Variants in MARCHF1 observed in about 807,000 individuals in gnomAD.
MARCHF1 encodes E3 ubiquitin-protein ligase MARCHF1.
Under a neutral mutation model 54.2 loss-of-function variants are expected in MARCHF1, and 40 were observed. That is an observed-to-expected ratio of 0.74 (90% CI 0.57 to 0.96). The LOEUF (loss-of-function observed/expected upper bound fraction) is 0.96, where lower values mean the gene tolerates loss of function less well. Ranked by LOEUF, MARCHF1 falls within the 40% of genes least tolerant of loss-of-function variation. The pLI, the probability that MARCHF1 is intolerant of heterozygous loss-of-function variation, is 0.00. For missense variants in MARCHF1, 586 were observed against 656.5 expected, an observed-to-expected ratio of 0.89 and a Z score of 1.17; for synonymous variants, 236 against 236.3, an observed-to-expected ratio of 1.00 and a Z score of 0.01.
intron 5 of MARCHF1, among the ~76,000 whole-genome samples, chr4:163,666,810 A>C (rs1478174508): frequency 6.6e-6 from 1 of 152,124 alleles, no homozygotes; most frequent in African/African-American, 2.4e-5. Context: ...GTAATTTAAA[A>C]ACAATTTAGA....
intron 2 of MARCHF1, among the ~76,000 whole-genome samples, chr4:164,086,770 G>A (rs1348849664): frequency 1.3e-5 from 2 of 151,966 alleles, no homozygotes; most frequent in East Asian, 1.9e-4. Context: ...CATAATCTCT[G>A]TAAATGATTT....
At chr4:164,144,310 A>C (rs1729605282) in intron 1 of MARCHF1, among the ~76,000 whole-genome samples, 2 of 152,024 alleles carry the variant, frequency 1.3e-5, no homozygotes, top group Non-Finnish European at 2.9e-5. Flanking sequence ...TCAGCTCTGC[A>C]CCAAGGGGAC....
chr4:163,898,820 T>C (rs1750874755), intron 3 of MARCHF1, among the ~76,000 whole-genome samples: 2 of 152,050 alleles, frequency 1.3e-5, no homozygotes, highest in Admixed American at 6.6e-5. Flanking sequence ...ATAAAGAAAA[T>C]GCGGTATATA....
At chr4:164,341,932 C>G (rs957541178) in intron 1 of MARCHF1, among the ~76,000 whole-genome samples, 6 of 152,148 alleles carry the variant, frequency 3.9e-5, no homozygotes, top group African/African-American at 2.4e-5. Context: ...ATTCTATACA[C>G]TAATGTCCCA....
At position 164,152,691 on chromosome 4, in the gene MARCHF1, TA is replaced by T. The variant is rs535737071; in HGVS notation, c.-322-41030del. ...GAGCCAGGCACCCTTTCAAGTTCGATAAAAAACAATTTACAACCTGCTCTTC... is the reference window on the plus strand; with the variant it reads ...GAGCCAGGCACCCTTTCAAGTTCGATAAAAACAATTTACAACCTGCTCTTC... On this transcript the variant is annotated intron_variant, in intron 1 of 9. Transcript: ENST00000514618. Among the ~76,000 whole-genome samples the T allele has an allele frequency of 4.1e-3, 617 of 152,218 alleles. 3 individuals carry two copies. The highest frequency in any genetic ancestry group is 0.014 in the African/African-American group (563 of 41,538).
At chr4:164,061,285 T>G (rs1454992842) in intron 2 of MARCHF1, among the ~76,000 whole-genome samples, 1 of 152,034 alleles carries the variant, frequency 6.6e-6, no homozygotes, top group African/African-American at 2.4e-5. Context: ...TTTGGGCACT[T>G]TGCTTCTGAA....
At chr4:164,354,414 C>A (rs1416482492) in intron 1 of MARCHF1, among the ~76,000 whole-genome samples, 18 of 135,598 alleles carry the variant, frequency 1.3e-4, no homozygotes, top group African/African-American at 4.9e-4. Context: ...GCTTATCCAC[C>A]ATGATCAAGT....
At chr4:163,617,802 C>T (rs1741562320) in intron 5 of MARCHF1, among the ~76,000 whole-genome samples, 1 of 152,116 alleles carries the variant, frequency 6.6e-6, no homozygotes, top group South Asian at 2.1e-4. Flanking sequence ...CCTCAAATCA[C>T]TGATGATGTT....
chr4:163,771,294 C>A (rs1446351639), intron 4 of MARCHF1, among the ~76,000 whole-genome samples: 1 of 152,128 alleles, frequency 6.6e-6, no homozygotes, highest in Non-Finnish European at 1.5e-5. Context: ...ACAAAAAGTT[C>A]TTTGGTCCAA....
At chr4:163,783,671 T>A (rs1747532921) in intron 4 of MARCHF1, among the ~76,000 whole-genome samples, 1 of 152,228 alleles carries the variant, frequency 6.6e-6, no homozygotes, top group Non-Finnish European at 1.5e-5. Flanking sequence ...TTTAAAATAG[T>A]TTTGTGTGAC....
chr4:163,640,798 G>C (rs925921946), intron 5 of MARCHF1, among the ~76,000 whole-genome samples: 1 of 152,074 alleles, frequency 6.6e-6, no homozygotes, highest in Non-Finnish European at 1.5e-5. Flanking sequence ...TTTAATTTTA[G>C]ATTAGTTAAT....
intron 2 of MARCHF1, among the ~76,000 whole-genome samples, chr4:164,066,951 T>C (rs546458206): frequency 1.3e-5 from 2 of 152,038 alleles, no homozygotes; most frequent in Non-Finnish European, 2.9e-5. Flanking sequence ...TAAAATAATC[T>C]GTACAATAAA....
chr4:163,899,763 T>TACACACACACACACAC lies in MARCHF1; in HGVS notation c.-38-45610_-38-45595dup, dbSNP rs70948674. On this transcript the variant is annotated intron_variant, in intron 3 of 9. Coordinates refer to ENST00000514618, the MANE Select transcript of MARCHF1 (RefSeq NM_001394959.1). ...TTCATAAACTCCCAGTCTCACCCAC[T>TACACACACACACACAC]ACACACACACACACACACACACACA... 4.0e-4 allele frequency among the ~76,000 whole-genome samples: 60 copies of TACACACACACACACAC among 148,858 alleles called. 1 individual carries two copies. The highest frequency in any genetic ancestry group is 1.7e-3 in the South Asian group (8 of 4,658).
At chr4:163,563,214 T>C (rs1312946899) in intron 8 of MARCHF1, among the ~76,000 whole-genome samples, 1 of 152,232 alleles carries the variant, frequency 6.6e-6, no homozygotes, top group African/African-American at 2.4e-5. Context: ...TGCCTTAATA[T>C]TAATATTAAT....
At position 163,700,437 on chromosome 4, in the gene MARCHF1, G is replaced by A. The variant is rs143702208; in HGVS notation, c.162+376C>T. 6.6e-3 allele frequency among the ~76,000 whole-genome samples: 1,009 copies of A among 151,758 alleles called. 14 individuals are homozygous for A. Among genetic ancestry groups the A allele is most frequent in the African/African-American group, 0.023 (953 of 41,378 alleles). Reference sequence around the variant, plus strand: ...GGAGAATCGCTTGAACCCAGAAGGCGGAGGTTGCAGTGAGCCAAGATCTCA... The same window carrying A: ...GGAGAATCGCTTGAACCCAGAAGGCAGAGGTTGCAGTGAGCCAAGATCTCA... On this transcript the variant is annotated intron_variant, in intron 5 of 9. Transcript: ENST00000514618.
chr4:164,137,366 T>G (rs1244941007), intron 1 of MARCHF1, among the ~76,000 whole-genome samples: 4 of 152,176 alleles, frequency 2.6e-5, no homozygotes, highest in Non-Finnish European at 4.4e-5. Flanking sequence ...ATAATTATGA[T>G]AATATATTTC....
chr4:164,231,342 T>C (rs1026293097), intron 1 of MARCHF1, among the ~76,000 whole-genome samples: 4 of 152,168 alleles, frequency 2.6e-5, no homozygotes, highest in South Asian at 2.1e-4. Flanking sequence ...TTTCTATTGA[T>C]AGAGAAATGG....
intron 1 of MARCHF1, among the ~76,000 whole-genome samples, chr4:164,273,842 C>G (rs562185447): frequency 6.6e-6 from 1 of 152,138 alleles, no homozygotes; most frequent in Admixed American, 6.5e-5. Flanking sequence ...TTCATAGATG[C>G]AAACCAAATC....
At chr4:163,750,020 G>A (rs911708481) in intron 4 of MARCHF1, among the ~76,000 whole-genome samples, 1 of 151,854 alleles carries the variant, frequency 6.6e-6, no homozygotes, top group Non-Finnish European at 1.5e-5. Context: ...AGTGAGCTGA[G>A]ATCGTGCCAT....
Sources: allele counts gnomAD v4.1 joint callset (sites outside exome capture counted in the v4.1 genomes callset), GRCh38; gene constraint gnomAD v4.1.1; transcripts MANE v1.5; gene names NCBI Gene and HGNC (gene_info 2026-07-23, HGNC 2026-07-21).